Variants in PXN observed in about 807,000 individuals in gnomAD.
PXN encodes testicular tissue protein Li 134.
PXN carries 61 observed loss-of-function variants against 103.6 expected under a neutral mutation model. The ratio of observed to expected loss-of-function variants is 0.59; its 90% CI spans 0.48 to 0.73. The LOEUF is 0.73. Among genes scored for constraint, PXN ranks in the 30% least tolerant of loss-of-function variants. The pLI is 0.00. For missense variants in PXN, 1,274 were observed against 1,460.3 expected, an observed-to-expected ratio of 0.87 and a Z score of 2.08; for synonymous variants, 562 against 607.8, an observed-to-expected ratio of 0.92 and a Z score of 1.11.
chr12:120,230,255 G>A (rs1449177896), intron 1 of PXN, among the ~76,000 whole-genome samples: 1 of 152,202 alleles, frequency 6.6e-6, no homozygotes, highest in Non-Finnish European at 1.5e-5. Flanking sequence ...CCGCAGCCCT[G>A]GGCCAGCTGT....
In PXN at chr12:120,222,420, C is replaced by G. The variant is rs1885450302; in HGVS notation, c.695+129G>C. 9.4e-7 allele frequency: 1 copy of G among 1,061,352 alleles called. No homozygotes were observed. The highest frequency in any genetic ancestry group is 1.3e-6 in the Non-Finnish European group (1 of 750,546). The allele number at this position is 1,061,352 out of a possible 1,614,324, so 65.7% of individuals were successfully genotyped here. A position where few individuals can be genotyped will look rare whatever the true frequency, so the allele number is the denominator to read the frequency against. On this transcript the variant is annotated intron_variant, in intron 5 of 14. Coordinates refer to ENST00000637617, the MANE Select transcript of PXN (RefSeq NM_001385981.1). The surrounding 1 kb of genome is among the most constrained non-coding windows in gnomAD (Gnocchi z 4.7). ...GGTGTCCATGTGACTCACCACTATC[C>G]CCCCAGTGCCTGGCAAATGGCAGAC... is the stretch of plus-strand genomic sequence containing the variant.
intron 1 of PXN, among the ~76,000 whole-genome samples, chr12:120,238,661 G>C (rs951130672): frequency 9.2e-5 from 14 of 152,236 alleles, no homozygotes; most frequent in African/African-American, 3.4e-4. Flanking sequence ...AGGTTGTTTG[G>C]AAGTTGGATT....
chr12:120,235,788 CTTG>C (rs1265715626), intron 1 of PXN, among the ~76,000 whole-genome samples: 3 of 152,216 alleles, frequency 2.0e-5, no homozygotes, highest in Non-Finnish European at 2.9e-5. Context: ...TCTGGTCTAA[CTTG>C]TTGATGTGCA....
chr12:120,254,421 G>T (rs1457943458), intron 1 of PXN, among the ~76,000 whole-genome samples: 1 of 152,240 alleles, frequency 6.6e-6, no homozygotes, highest in Non-Finnish European at 1.5e-5. Context: ...TGGCACACAG[G>T]AAAGTAGCTG....
At position 120,224,169 on chromosome 12, in the gene PXN, G is replaced by A. The variant is rs781514287; in HGVS notation, c.222C>T (p.Ser74=). The part of the protein sequence containing the change: ...DPLDQWQPSS[S]RFIHQQPQSS... ...GCCTCACCTGCTGGTGGATGAATCG[G>A]GAGCTGCTGGGCTGCCACTGGTCTA... The change falls in exon 2 of 15, where the codon TCC becomes TCT. Residue 74 remains serine, a synonymous_variant. Transcript: ENST00000637617. This position sits in a 1 kb window ranked among gnomAD's most constrained non-coding sequence, Gnocchi z 5.0. The A allele has an allele frequency of 6.3e-7, 1 of 1,590,164 alleles. No homozygotes were observed. Among genetic ancestry groups the A allele is most frequent in the African/African-American group, 1.3e-5 (1 of 74,734 alleles).
At chr12:120,218,198 C>T (rs1303252724) in intron 7 of PXN, among the ~76,000 whole-genome samples, 3 of 152,056 alleles carry the variant, frequency 2.0e-5, no homozygotes, top group African/African-American at 7.2e-5. Flanking sequence ...GCATGTGCAA[C>T]CACGCCCAGC....
chr12:120,243,385 T>C (rs888564036), intron 1 of PXN, among the ~76,000 whole-genome samples: 2 of 152,062 alleles, frequency 1.3e-5, no homozygotes, highest in Non-Finnish European at 2.9e-5. Context: ...AATGTTGAGG[T>C]TCTATTTAAA....
chr12:120,222,402 A>C lies in PXN; in HGVS notation c.695+147T>G. Reference sequence around the variant, plus strand: ...CTGGCTGAAGGCAGGGATGGTGTCCATGTGACTCACCACTATCCCCCCAGT... The same window carrying C: ...CTGGCTGAAGGCAGGGATGGTGTCCCTGTGACTCACCACTATCCCCCCAGT... On this transcript the variant is annotated intron_variant, in intron 5 of 14. Transcript: ENST00000637617. The surrounding 1 kb of genome is among the most constrained non-coding windows in gnomAD (Gnocchi z 4.7). 1.1e-6 allele frequency: 1 copy of C among 926,578 alleles called. No individual in the cohort carries two copies. 57.4% of individuals were successfully genotyped at this position (926,578 alleles called of 1,614,324 possible).
chr12:120,225,885 A>G lies in PXN; in HGVS notation c.14-1508T>C. 1 of 203,648 alleles carries G rather than the reference A, an allele frequency of 4.9e-6. No individual in the cohort carries two copies. Among genetic ancestry groups the G allele is most frequent in the Non-Finnish European group, 9.1e-6 (1 of 109,398 alleles). The allele number at this position is 203,648 out of a possible 1,614,324, so 12.6% of individuals were successfully genotyped here. On this transcript the variant is annotated intron_variant, in intron 1 of 14. Coordinates refer to ENST00000637617, the MANE Select transcript of PXN (RefSeq NM_001385981.1). This position sits in a 1 kb window ranked among gnomAD's most constrained non-coding sequence, Gnocchi z 4.4. ...TCCCAGCTGCCTGTCCTGATCTCCTACCCTCAAGGCTGGCCACACCTACCC... is the reference window on the plus strand; with the variant it reads ...TCCCAGCTGCCTGTCCTGATCTCCTGCCCTCAAGGCTGGCCACACCTACCC...
intron 1 of PXN, among the ~76,000 whole-genome samples, chr12:120,262,901 C>T (rs941702936): frequency 6.6e-5 from 10 of 152,248 alleles, no homozygotes; most frequent in South Asian, 2.1e-4. Flanking sequence ...GGGCAGAACA[C>T]GCTGTGTTGA....
chr12:120,220,595 G>C lies in PXN; in HGVS notation c.832-504C>G, dbSNP rs900423918. Reference sequence around the variant, plus strand: ...CTGCTTCTCCTGGCATCAGGACACAGGCTGTCTGAGAAAACGGCAGCCTTA... The same window carrying C: ...CTGCTTCTCCTGGCATCAGGACACACGCTGTCTGAGAAAACGGCAGCCTTA... On this transcript the variant is annotated intron_variant, in intron 6 of 14. Transcript: ENST00000637617. This position sits in a 1 kb window ranked among gnomAD's most constrained non-coding sequence, Gnocchi z 6.1. 3.9e-5 allele frequency among the ~76,000 whole-genome samples: 6 copies of C among 152,236 alleles called. No individual in the cohort carries two copies. The highest frequency in any genetic ancestry group is 8.8e-5 in the Non-Finnish European group (6 of 68,044).
rs78620055 is a variant in PXN at position 120,263,761 on chromosome 12, T to C, written c.13+1856A>G. ...CTACAATCCCCTCTCCCGTATACAG[T>C]ACTCTCTTTCCTTTCAGAACTCAGT... On this transcript the variant is annotated intron_variant, in intron 1 of 14. Transcript: ENST00000637617. Among the ~76,000 whole-genome samples the C allele has an allele frequency of 5.2e-3, 799 of 152,356 alleles. 4 individuals carry two copies. Among genetic ancestry groups the C allele is most frequent in the Non-Finnish European group, 8.1e-3 (553 of 68,032 alleles).
chr12:120,220,143 T>G lies in PXN; in HGVS notation c.832-52A>C. The G allele has an allele frequency of 2.9e-6, 2 of 691,460 alleles. No homozygotes were observed. Among genetic ancestry groups the G allele is most frequent in the Non-Finnish European group, 4.7e-6 (2 of 427,188 alleles). The allele number at this position is 691,460 out of a possible 1,614,324, so 42.8% of individuals were successfully genotyped here. On this transcript the variant is annotated intron_variant, in intron 6 of 14. Transcript: ENST00000637617. The surrounding 1 kb of genome is among the most constrained non-coding windows in gnomAD (Gnocchi z 6.1). ...AGAGGAGAGAGAGAGATGAGGGGAG[T>G]GAGGACGGCTGCACCTTGCAGGCGG...
chr12:120,211,823 T>C lies in PXN; in HGVS notation c.*491A>G. On this transcript the variant is annotated 3_prime_UTR_variant, in exon 15 of 15. Transcript: ENST00000637617. ...GCCCCTTTGGTTCTCTGCCTTTGGA[T>C]GGATGGATTTATGCTGGCATTGTCT... 2.2e-6 allele frequency: 1 copy of C among 450,402 alleles called. No individual in the cohort carries two copies. Among genetic ancestry groups the C allele is most frequent in the East Asian group, 6.7e-5 (1 of 14,868 alleles). The allele number at this position is 450,402 out of a possible 1,614,324, so 27.9% of individuals were successfully genotyped here. A position where few individuals can be genotyped will look rare whatever the true frequency, so the allele number is the denominator to read the frequency against.
chr12:120,218,673 G>C (rs892093509), intron 7 of PXN, among the ~76,000 whole-genome samples: 4 of 152,236 alleles, frequency 2.6e-5, no homozygotes, highest in Non-Finnish European at 5.9e-5. Flanking sequence ...ACCACACCTG[G>C]CCCGGCATAA....
intron 1 of PXN, chr12:120,227,075 G>T: frequency 1.0e-6 from 1 of 986,130 alleles, no homozygotes; most frequent in Non-Finnish European, 1.2e-6. Flanking sequence ...AGTCTCCTAA[G>T]TCTTTTCTGG....
rs926663541 is a variant in PXN, at chr12:120,224,809, A to G, written c.14-432T>C. On this transcript the variant is annotated intron_variant, in intron 1 of 14. Transcript: ENST00000637617. The surrounding 1 kb of genome is among the most constrained non-coding windows in gnomAD (Gnocchi z 5.0). ...CCTGGCTATGCCAGGCCCTCACTTG[A>G]TTTCTAAGAGCTTAGGCTTTCCCAG... is the stretch of plus-strand genomic sequence containing the variant. 7 of 452,080 alleles carry G rather than the reference A, an allele frequency of 1.5e-5. No homozygotes were observed. The highest frequency in any genetic ancestry group is 2.4e-5 in the Admixed American group (1 of 42,190). 28.0% of individuals were successfully genotyped at this position (452,080 alleles called of 1,614,324 possible).
chr12:120,265,162 A>G lies in PXN; in HGVS notation c.13+455T>C, dbSNP rs1894490425. ...GAGCAGGTCGAGGAAATGAGGGAGC[A>G]GCCCATGAGATCGGGCAGCTGCTCC... On this transcript the variant is annotated intron_variant, in intron 1 of 14. Transcript: ENST00000637617. The surrounding 1 kb of genome is among the most constrained non-coding windows in gnomAD (Gnocchi z 5.7). 6.9e-6 allele frequency among the ~76,000 whole-genome samples: 1 copy of G among 145,548 alleles called. No individual in the cohort carries two copies. Among genetic ancestry groups the G allele is most frequent in the Admixed American group, 7.0e-5 (1 of 14,350 alleles).
At chr12:120,239,927 CTTTT>C (rs1407377098) in intron 1 of PXN, among the ~76,000 whole-genome samples, 3 of 136,240 alleles carry the variant, frequency 2.2e-5, no homozygotes, top group Admixed American at 7.4e-5. Flanking sequence ...ATCTAGCTCC[CTTTT>C]TTTTTTTTTT....
Sources: allele counts gnomAD v4.1 joint callset (sites outside exome capture counted in the v4.1 genomes callset), GRCh38; gene constraint gnomAD v4.1.1; non-coding constraint Gnocchi (gnomAD v3.1); transcripts MANE v1.5; gene names NCBI Gene and HGNC (gene_info 2026-07-23, HGNC 2026-07-21).